WDFY4: variants seen among roughly 807,000 people sequenced by gnomAD.
WDFY4 encodes WDFY family member 4.
Under a neutral mutation model 351.9 loss-of-function variants are expected in WDFY4, and 169 were observed. The ratio of observed to expected loss-of-function variants is 0.48; its 90% CI spans 0.42 to 0.55. The LOEUF is 0.55. WDFY4 is among the 20% of genes least tolerant of loss of function. The pLI, the probability that WDFY4 is intolerant of heterozygous loss-of-function variation, is 0.00. For synonymous variants in WDFY4, 1,622 were observed against 1,574.6 expected, an observed-to-expected ratio of 1.03 and a Z score of -0.71; for missense variants, 3,803 against 3,935.6, an observed-to-expected ratio of 0.97 and a Z score of 0.90.
chr10:48,709,840 G>C lies in WDFY4; in HGVS notation c.108G>C (p.Gln36His). Residue 36 changes from glutamine (Q) to histidine (H), a missense_variant, in exon 2 of 62, where the codon CAG (glutamine) becomes CAC (histidine). Physicochemically the swap from Gln to His is conservative, Grantham distance 24 (BLOSUM62 0). This residue lies in a region of WDFY4 where 488 missense variants were observed against 456.8 expected (regional missense o/e 1.07). Coordinates refer to ENST00000325239, the MANE Select transcript of WDFY4 (RefSeq NM_001394531.1). ...AVQPDVPHGG[Q>H]SSSPTALWDM... is the part of the protein sequence containing the mutation. ...AGCCTGATGTCCCACATGGAGGGCA[G>C]TCCTCCAGCCCCACAGCTCTCTGGG... The C allele has an allele frequency of 6.4e-7, 1 of 1,551,900 alleles. No homozygotes were observed. Among genetic ancestry groups the C allele is most frequent in the Non-Finnish European group, 8.7e-7 (1 of 1,147,028 alleles).
At chr10:48,905,169 T>A (rs952554092) in intron 47 of WDFY4, among the ~76,000 whole-genome samples, 1 of 152,170 alleles carries the variant, frequency 6.6e-6, no homozygotes, top group Admixed American at 6.5e-5. Flanking sequence ...TTATTTGTCT[T>A]TTGTCCTCAG....
At position 48,873,809 on chromosome 10, in the gene WDFY4, C is replaced by T. The variant is rs1298305181; in HGVS notation, c.6948+112C>T. The stretch of plus-strand genomic sequence containing the variant: ...TTATATCAGGCTAAGATAACACATG[C>T]AGTTAAATGTAGGAGAGTCCCAAAA... On this transcript the variant is annotated intron_variant, in intron 41 of 61. Transcript: ENST00000325239. 4.0e-6 allele frequency: 5 copies of T among 1,244,200 alleles called. No individual in the cohort carries two copies. In the African/African-American group the frequency reaches 7.6e-5, roughly 19 times the overall value. 77.1% of individuals were successfully genotyped at this position (1,244,200 alleles called of 1,614,324 possible).
chr10:48,699,736 C>T (rs889456287), intron 1 of WDFY4, among the ~76,000 whole-genome samples: 1 of 152,234 alleles, frequency 6.6e-6, no homozygotes, highest in African/African-American at 2.4e-5. Flanking sequence ...TAGCCTCTCA[C>T]ACTGTGCTTT....
chr10:48,907,665 G>C (rs941502725), intron 47 of WDFY4, among the ~76,000 whole-genome samples: 1 of 152,170 alleles, frequency 6.6e-6, no homozygotes, highest in Non-Finnish European at 1.5e-5. Context: ...TAGCTGGGGG[G>C]AGGCTAAAGT....
chr10:48,715,334 G>A (rs903336982), intron 2 of WDFY4, among the ~76,000 whole-genome samples: 2 of 152,230 alleles, frequency 1.3e-5, no homozygotes, highest in African/African-American at 4.8e-5. Flanking sequence ...GTTTTGTCAT[G>A]CACAACAGGT....
chr10:48,953,697 C>G lies in WDFY4; in HGVS notation c.7978-3432C>G, dbSNP rs539590595. On this transcript the variant is annotated intron_variant, in intron 51 of 61. Transcript: ENST00000325239. ...CCACTTCCATATCCAGATGTGGCAG[C>G]AGGTTGATTTGGATCAGTGTTATCA... is the stretch of plus-strand genomic sequence containing the variant. Among the ~76,000 whole-genome samples, 33 of 152,312 alleles carry G rather than the reference C, an allele frequency of 2.2e-4. No homozygotes were observed. The South Asian group carries it at 6.6e-3, about 31-fold the overall frequency.
At chr10:48,928,422 G>C (rs899313835) in intron 47 of WDFY4, among the ~76,000 whole-genome samples, 5 of 150,114 alleles carry the variant, frequency 3.3e-5, no homozygotes, top group Non-Finnish European at 5.9e-5. Flanking sequence ...ACAGGAGGCA[G>C]CAGCATGGAT....
chr10:48,843,865 T>C (rs1030381881), intron 39 of WDFY4, among the ~76,000 whole-genome samples: 3 of 152,274 alleles, frequency 2.0e-5, no homozygotes, highest in South Asian at 4.1e-4. Context: ...AACACATTTT[T>C]GTGTATTCAT....
intron 39 of WDFY4, among the ~76,000 whole-genome samples, chr10:48,863,644 G>T (rs866982134): frequency 4.7e-4 from 72 of 151,784 alleles, no homozygotes; most frequent in African/African-American, 1.3e-3. Context: ...CATTCTGTGG[G>T]TCTTTTTTTA....
chr10:48,731,065 G>T (rs1168194772), intron 8 of WDFY4, 45 bp from the exon 9 acceptor site: 3 of 1,471,406 alleles, frequency 2.0e-6, no homozygotes, highest in East Asian at 5.0e-5. Flanking sequence ...TGTAGACACA[G>T]GCAGGAGAAA....
intron 47 of WDFY4, among the ~76,000 whole-genome samples, chr10:48,923,202 T>C (rs2133602138): frequency 6.6e-6 from 1 of 152,148 alleles, no homozygotes; most frequent in Non-Finnish European, 1.5e-5. Flanking sequence ...TCCAAATAGG[T>C]AGCATCTGGG....
chr10:48,918,545 A>G (rs560058135), intron 47 of WDFY4, among the ~76,000 whole-genome samples: 43 of 152,368 alleles, frequency 2.8e-4, no homozygotes, highest in African/African-American at 1.0e-3. Context: ...ATGTGTATGT[A>G]CCTAACAGCA....
chr10:48,731,444 G>A lies in WDFY4; in HGVS notation c.1464G>A (p.Gln488=), dbSNP rs574912591. 6.4e-7 allele frequency: 1 copy of A among 1,551,722 alleles called. No homozygotes were observed. Among genetic ancestry groups the A allele is most frequent in the South Asian group, 1.2e-5 (1 of 84,066 alleles). The change falls in exon 9 of 62, where the codon CAG becomes CAA. Residue 488 remains glutamine, a synonymous_variant. Coordinates refer to ENST00000325239, the MANE Select transcript of WDFY4 (RefSeq NM_001394531.1). ...CATCCTGCACCCTCATGGCCCTGCAGAGCATCCTCAGCATCGCTGGTGGGG... is the reference window on the plus strand; with the variant it reads ...CATCCTGCACCCTCATGGCCCTGCAAAGCATCCTCAGCATCGCTGGTGGGG... The part of the protein sequence containing the change: ...PGPSCTLMAL[Q]SILSIAGGDP...
At chr10:48,839,003 G>A (rs1391490104) in intron 39 of WDFY4, among the ~76,000 whole-genome samples, 1 of 152,188 alleles carries the variant, frequency 6.6e-6, no homozygotes, top group Non-Finnish European at 1.5e-5. Context: ...GCAGTTTCAG[G>A]AAGAAAGGCA....
intron 47 of WDFY4, among the ~76,000 whole-genome samples, chr10:48,914,744 C>T (rs1207073758): frequency 6.6e-6 from 1 of 152,188 alleles, no homozygotes; most frequent in Non-Finnish European, 1.5e-5. Context: ...CCCAGAGGAA[C>T]TAGTGAGGCC....
intron 12 of WDFY4, among the ~76,000 whole-genome samples, chr10:48,758,157 G>A (rs2065391174): frequency 6.6e-6 from 1 of 152,068 alleles, no homozygotes; most frequent in Admixed American, 6.6e-5. Context: ...TCCTTCATCT[G>A]GGAACACATT....
At chr10:48,969,035 A>G in intron 55 of WDFY4, 29 bp from the exon 56 acceptor site, 1 of 1,546,614 alleles carries the variant, frequency 6.5e-7, no homozygotes, top group Non-Finnish European at 8.7e-7. Flanking sequence ...TCTTCCATGC[A>G]TAAGTTCGCC....
intron 17 of WDFY4, among the ~76,000 whole-genome samples, chr10:48,777,838 G>A (rs1424669465): frequency 6.6e-6 from 1 of 152,244 alleles, no homozygotes; most frequent in African/African-American, 2.4e-5. Flanking sequence ...TTTAGAGCAA[G>A]ATGTTCTGTT....
At chr10:48,863,227 A>AGTCAAT (rs2069407538) in intron 39 of WDFY4, among the ~76,000 whole-genome samples, 1 of 152,228 alleles carries the variant, frequency 6.6e-6, no homozygotes. Context: ...GGAATTGCTG[A>AGTCAAT]GTCAATGACA....
Sources: gnomAD v4.1 joint callset for allele counts (sites outside exome capture counted in the v4.1 genomes callset) on GRCh38, gnomAD v4.1.1 for gene constraint, gnomAD v4.1.1 regional missense constraint, MANE v1.5 for transcripts, NCBI Gene and HGNC (gene_info 2026-07-23, HGNC 2026-07-21) for gene names.